The following KCNJ6 variants were observed in gnomAD, a reference collection of about 807,000 sequenced individuals.
KCNJ6 encodes G protein-activated inward rectifier potassium channel 2.
In KCNJ6, 9 loss-of-function variants were observed where a neutral mutation model predicts 34.2. That is an observed-to-expected ratio of 0.26 (90% CI 0.16 to 0.46). The LOEUF (loss-of-function observed/expected upper bound fraction) is 0.46. Among genes scored for constraint, KCNJ6 ranks in the 20% least tolerant of loss-of-function variants. KCNJ6 has a pLI of 1.00. For missense variants in KCNJ6, 236 were observed against 531.3 expected (o/e 0.44, Z 5.46); for synonymous variants, 196 against 207.1 (o/e 0.95, Z 0.46).
At chr21:37,653,412 G>T (rs1471548905) in intron 3 of KCNJ6, among the ~76,000 whole-genome samples, 1 of 152,186 alleles carries the variant, frequency 6.6e-6, no homozygotes, top group African/African-American at 2.4e-5. Flanking sequence ...GTGGCAAGGG[G>T]TGCTGGCCAG....
intron 3 of KCNJ6, among the ~76,000 whole-genome samples, chr21:37,646,294 C>T (rs879638752): frequency 6.6e-6 from 1 of 152,202 alleles, no homozygotes; most frequent in Non-Finnish European, 1.5e-5. Flanking sequence ...ACCCCCACCA[C>T]GCTACATCCC....
chr21:37,617,030 TTC>T lies in KCNJ6; in HGVS notation c.*8127_*8128del, dbSNP rs2054271609. 1 of 14,096 alleles carries T rather than the reference TTC, an allele frequency of 7.1e-5. No individual in the cohort carries two copies. Among genetic ancestry groups the T allele is most frequent in the South Asian group, 3.8e-3 (1 of 266 alleles). 0.9% of individuals were successfully genotyped at this position (14,096 alleles called of 1,614,324 possible). A position where few individuals can be genotyped will look rare whatever the true frequency, so the allele number is the denominator to read the frequency against. On this transcript the variant is annotated 3_prime_UTR_variant, in exon 4 of 4. Coordinates refer to ENST00000609713, the MANE Select transcript of KCNJ6 (RefSeq NM_002240.5). ...CTTTTCTCTTTCTTTCTTTCTTTCT[TTC>T]TTTCTTTCTTTCTTTCTTTCTTTTC...
Position 37,714,935 on chromosome 21 carries a change from A to G in KCNJ6, c.222T>C (p.Tyr74=). The G allele has an allele frequency of 6.2e-7, 1 of 1,614,150 alleles. No individual in the cohort carries two copies. Among genetic ancestry groups the G allele is most frequent in the African/African-American group, 1.3e-5 (1 of 75,034 alleles). The change falls in exon 3 of 4, where the codon TAT becomes TAC. Residue 74 remains tyrosine (Y), a synonymous_variant. Coordinates refer to ENST00000609713, the MANE Select transcript of KCNJ6 (RefSeq NM_002240.5). The surrounding 1 kb of genome is among the most constrained non-coding windows in gnomAD (Gnocchi z 5.9). ...NVHHGNVRET[Y]RYLTDIFTTL... The stretch of plus-strand genomic sequence containing the variant: ...TGGTGAAGATATCGGTCAGGTAGCG[A>G]TAGGTCTCCCTCACGTTGCCGTGAT...
At chr21:37,749,908 G>T (rs1234053099) in intron 2 of KCNJ6, among the ~76,000 whole-genome samples, 1 of 152,164 alleles carries the variant, frequency 6.6e-6, no homozygotes, top group Non-Finnish European at 1.5e-5. Context: ...GCCTTGCACC[G>T]TCGCCAAGAA....
In KCNJ6 at chr21:37,809,403, AT is replaced by A. The variant is rs1057439291; in HGVS notation, c.25+31254del. On this transcript the variant is annotated intron_variant, in intron 2 of 3. Transcript: ENST00000609713. Reference sequence around the variant, plus strand: ...GGTGGGGAGAGGGGGGAGGGATAGCATTAGGAGATATACCTAATGCTAAATG... The same window carrying A: ...GGTGGGGAGAGGGGGGAGGGATAGCATAGGAGATATACCTAATGCTAAATG... Among the ~76,000 whole-genome samples the A allele has an allele frequency of 3.6e-3, 554 of 152,184 alleles. 9 individuals are homozygous for A. The highest frequency in any genetic ancestry group is 1.1e-3 in the Non-Finnish European group (76 of 67,994).
intron 2 of KCNJ6, among the ~76,000 whole-genome samples, chr21:37,736,362 G>T (rs2054913028): frequency 6.6e-6 from 1 of 152,188 alleles, no homozygotes; most frequent in African/African-American, 2.4e-5. Flanking sequence ...TTGGAGTTGG[G>T]AGTCACTGCT....
intron 3 of KCNJ6, among the ~76,000 whole-genome samples, chr21:37,679,449 G>A (rs1184137668): frequency 6.6e-6 from 1 of 152,240 alleles, no homozygotes; most frequent in Non-Finnish European, 1.5e-5. Context: ...CATTATAGAG[G>A]AGCAGTAAGG....
At chr21:37,694,436 T>C (rs1450045089) in intron 3 of KCNJ6, among the ~76,000 whole-genome samples, 1 of 152,198 alleles carries the variant, frequency 6.6e-6, no homozygotes, top group African/African-American at 2.4e-5. Flanking sequence ...TGCCTGACTG[T>C]GGAATAAGAA....
intron 3 of KCNJ6, among the ~76,000 whole-genome samples, chr21:37,683,333 C>A (rs998768371): frequency 1.3e-5 from 2 of 152,048 alleles, no homozygotes; most frequent in African/African-American, 4.8e-5. Context: ...GGGAAGAAGC[C>A]CCCCTTTCTG....
At chr21:37,750,677 A>C (rs1200080354) in intron 2 of KCNJ6, among the ~76,000 whole-genome samples, 1 of 152,020 alleles carries the variant, frequency 6.6e-6, no homozygotes, top group East Asian at 1.9e-4. Flanking sequence ...GAGTTGAACA[A>C]TGAGAACACA....
intron 1 of KCNJ6, among the ~76,000 whole-genome samples, chr21:37,883,879 G>T (rs946261537): frequency 2.6e-5 from 4 of 152,124 alleles, no homozygotes; most frequent in Non-Finnish European, 5.9e-5. Flanking sequence ...AGAAATAAGT[G>T]AGCCCCTGTT....
intron 2 of KCNJ6, among the ~76,000 whole-genome samples, chr21:37,752,725 G>A (rs1475442106): frequency 6.6e-6 from 1 of 152,114 alleles, no homozygotes; most frequent in African/African-American, 2.4e-5. Flanking sequence ...CATGACCCAA[G>A]GCAGCCCCTA....
chr21:37,702,876 C>T (rs1466435173), intron 3 of KCNJ6, among the ~76,000 whole-genome samples: 4 of 151,994 alleles, frequency 2.6e-5, no homozygotes, highest in East Asian at 3.9e-4. Flanking sequence ...CGGTCAAGTG[C>T]GCTAATGATG....
chr21:37,744,153 G>A (rs1225851822), intron 2 of KCNJ6, among the ~76,000 whole-genome samples: 3 of 131,560 alleles, frequency 2.3e-5, no homozygotes, highest in African/African-American at 8.6e-5. Context: ...CACACACCGG[G>A]GACTGTTGTG....
intron 1 of KCNJ6, among the ~76,000 whole-genome samples, chr21:37,899,315 A>G (rs1416455489): frequency 3.3e-5 from 5 of 152,216 alleles, no homozygotes. Context: ...TTGTGAGCCC[A>G]GAGGGAAAAA....
At chr21:37,833,608 C>A (rs1310075083) in intron 2 of KCNJ6, among the ~76,000 whole-genome samples, 1 of 152,050 alleles carries the variant, frequency 6.6e-6, no homozygotes, top group Admixed American at 6.5e-5. Context: ...CCAGGGTGAC[C>A]CTAACATGTC....
chr21:37,865,003 C>T (rs1371284274), intron 1 of KCNJ6, among the ~76,000 whole-genome samples: 2 of 151,938 alleles, frequency 1.3e-5, no homozygotes, highest in Non-Finnish European at 2.9e-5. Flanking sequence ...CTGTGCCTGG[C>T]CCAGAAAAAG....
chr21:37,872,444 G>A (rs923912041), intron 1 of KCNJ6, among the ~76,000 whole-genome samples: 2 of 152,160 alleles, frequency 1.3e-5, no homozygotes, highest in Non-Finnish European at 2.9e-5. Flanking sequence ...GGGGCACCTT[G>A]GCCACCAACA....
intron 1 of KCNJ6, among the ~76,000 whole-genome samples, chr21:37,859,657 T>C (rs1420559358): frequency 6.6e-6 from 1 of 151,150 alleles, no homozygotes; most frequent in African/African-American, 2.4e-5. Flanking sequence ...AGGGATAAAG[T>C]GATGATTGCT....
Sources: gnomAD v4.1 joint callset for allele counts (sites outside exome capture counted in the v4.1 genomes callset) on GRCh38, gnomAD v4.1.1 for gene constraint, Gnocchi (gnomAD v3.1) non-coding constraint, MANE v1.5 for transcripts, NCBI Gene and HGNC (gene_info 2026-07-23, HGNC 2026-07-21) for gene names.